MRPS24: variants seen among roughly 807,000 people sequenced by gnomAD.
MRPS24 encodes the protein mitochondrial ribosomal protein S24.
MRPS24 carries 15 observed loss-of-function variants against 21.8 expected under a neutral mutation model. The ratio of observed to expected loss-of-function variants is 0.69; its 90% CI spans 0.46 to 1.06. The LOEUF (loss-of-function observed/expected upper bound fraction) is 1.06, where lower values mean the gene tolerates loss of function less well. MRPS24 is among the 50% of genes least tolerant of loss of function. The probability of loss-of-function intolerance (pLI) is 0.00; values close to 1 mark genes in which losing one functional copy is unlikely to be tolerated. For missense variants in MRPS24, 224 were observed against 219.1 expected (o/e 1.02, Z -0.14); for synonymous variants, 93 against 93.7 (o/e 0.99, Z 0.04).
At chr7:43,868,281 G>A (rs1045945382) in intron 3 of MRPS24, 4 of 151,776 alleles carry the variant, frequency 2.6e-5, no homozygotes, top group Non-Finnish European at 4.4e-5. Context: ...CAAAAAGCAC[G>A]AAAATGCAAA....
In MRPS24 at chr7:43,868,967, G is replaced by T. The variant is rs760452055; in HGVS notation, c.216C>A (p.His72Gln). 5.6e-6 allele frequency: 9 copies of T among 1,613,882 alleles called. No individual in the cohort carries two copies. In the East Asian group the frequency reaches 2.0e-4, roughly 36 times the overall value. Residue 72 changes from histidine to glutamine, a missense_variant, in exon 3 of 4, where the codon CAC becomes CAA. His to Gln is a conservative substitution (Grantham distance 24). Transcript: ENST00000317534. ...GGAGGCCTGGGGTCCGCTCACCTGTGTGCAGCGACAGCCAGCCTTTACGGT... is the reference window on the plus strand; with the variant it reads ...GGAGGCCTGGGGTCCGCTCACCTGTTTGCAGCGACAGCCAGCCTTTACGGT... ...IAHRKGWLSL[H>Q]TGNLDGEDHA...
Position 43,869,122 on chromosome 7 carries a change from C to T in MRPS24, c.109-48G>A. The T allele has an allele frequency of 1.3e-6, 2 of 1,577,348 alleles. No homozygotes were observed. The highest frequency in any genetic ancestry group is 1.7e-6 in the Non-Finnish European group (2 of 1,165,324). ...CTCCACGAGATCCCCGATCCAGACC[C>T]CTACTTCGCGCCATGTCCCCCCAGT... is the stretch of plus-strand genomic sequence containing the variant. On this transcript the variant is annotated intron_variant, in intron 2 of 3. Transcript: ENST00000317534. This position sits in a 1 kb window ranked among gnomAD's most constrained non-coding sequence, Gnocchi z 4.8.
chr7:43,866,768 G>C lies in MRPS24; in HGVS notation c.435C>G (p.Tyr145Ter), dbSNP rs1405703604. The C allele has an allele frequency of 6.2e-7, 1 of 1,614,218 alleles. No individual in the cohort carries two copies. Among genetic ancestry groups the C allele is most frequent in the East Asian group, 2.2e-5 (1 of 44,880 alleles). The change falls in exon 4 of 4, where the codon TAC becomes TAG. Residue 145 changes from tyrosine to a stop codon, truncating the protein, a stop_gained. Coordinates refer to ENST00000317534, the MANE Select transcript of MRPS24 (RefSeq NM_032014.3). LOFTEE classifies it high-confidence loss of function. ...GGAGTCGCACAGGACATTTGTAAAAGTAGGACAGCAAAGTTTCACTGTAGC... is the reference window on the plus strand; with the variant it reads ...GGAGTCGCACAGGACATTTGTAAAACTAGGACAGCAAAGTTTCACTGTAGC... ...LVGYSETLLS[Y>*]FYKCPVRLHL...
chr7:43,866,627 C>A lies in MRPS24; in HGVS notation c.*72G>T. ...TCAGTCCTCTGAGGGGATGCATTTC[C>A]CCCACATACCATTCCTTTCCCACGT... On this transcript the variant is annotated 3_prime_UTR_variant, in exon 4 of 4. Coordinates refer to ENST00000317534, the MANE Select transcript of MRPS24 (RefSeq NM_032014.3). 1.3e-6 allele frequency: 2 copies of A among 1,535,824 alleles called. No homozygotes were observed. The highest frequency in any genetic ancestry group is 2.4e-5 in the South Asian group (2 of 83,064).
At chr7:43,868,065 T>G (rs2095837779) in intron 3 of MRPS24, 1 of 152,218 alleles carries the variant, frequency 6.6e-6, no homozygotes. Flanking sequence ...CCTAGTTTCC[T>G]TTGTGTTTCT....
Position 43,866,673 on chromosome 7 carries a change from A to G in MRPS24, c.*26T>C. The G allele has an allele frequency of 6.2e-7, 1 of 1,609,250 alleles. No homozygotes were observed. Among genetic ancestry groups the G allele is most frequent in the Non-Finnish European group, 8.5e-7 (1 of 1,176,054 alleles). The stretch of plus-strand genomic sequence containing the variant: ...CACGTTTCCATTCTCTGCAGGCTAC[A>G]GCTTGATGGAAAAAAGGGGATTGTT... On this transcript the variant is annotated 3_prime_UTR_variant, in exon 4 of 4. Transcript: ENST00000317534.
intron 3 of MRPS24, 91 bp downstream of exon 3, chr7:43,868,872 C>T (rs1406204757): frequency 2.7e-6 from 4 of 1,470,608 alleles, no homozygotes; most frequent in Non-Finnish European, 3.7e-6. Context: ...AGCATTATTT[C>T]CTGAGTTAAA....
At chr7:43,868,111 T>G (rs745733439) in intron 3 of MRPS24, 2 of 152,134 alleles carry the variant, frequency 1.3e-5, no homozygotes, top group Non-Finnish European at 2.9e-5. Context: ...TATGGTAGAT[T>G]CACTAACATT....
Position 43,869,467 on chromosome 7 carries a change from A to T in MRPS24, c.29T>A (p.Leu10Gln). The T allele has an allele frequency of 6.4e-7, 1 of 1,568,278 alleles. No homozygotes were observed. The highest frequency in any genetic ancestry group is 8.6e-7 in the Non-Finnish European group (1 of 1,157,774). Residue 10 changes from leucine to glutamine, a missense_variant, in exon 1 of 4, where the codon CTG becomes CAG. Coordinates refer to ENST00000317534, the MANE Select transcript of MRPS24 (RefSeq NM_032014.3). The surrounding 1 kb of genome is among the most constrained non-coding windows in gnomAD (Gnocchi z 4.8). MAASVCSGL[L>Q]GPRVLSWSRE... The stretch of plus-strand genomic sequence containing the variant: ...AGTCGCCCCACTCACCCGTGGCCCC[A>T]GCAACCCGCTGCACACGGAGGCCGC...
rs1461651784 is a variant in MRPS24 at position 43,869,191 on chromosome 7, C to T, written c.108+117G>A. 6.8e-6 allele frequency: 10 copies of T among 1,476,934 alleles called. No individual in the cohort carries two copies. The highest frequency in any genetic ancestry group is 5.4e-5 in the South Asian group (4 of 74,264). The allele number at this position is 1,476,934 out of a possible 1,614,324, so 91.5% of individuals were successfully genotyped here. A position where few individuals can be genotyped will look rare whatever the true frequency, so the allele number is the denominator to read the frequency against. The stretch of plus-strand genomic sequence containing the variant: ...GGCCCCAATCCCCTGATCCCTAAGC[C>T]CCGACCCTAGCCCCGCCTCGGACCC... On this transcript the variant is annotated intron_variant, in intron 2 of 3. Coordinates refer to ENST00000317534, the MANE Select transcript of MRPS24 (RefSeq NM_032014.3). The surrounding 1 kb of genome is among the most constrained non-coding windows in gnomAD (Gnocchi z 4.8).
At position 43,866,800 on chromosome 7, in the gene MRPS24, G is replaced by T; in HGVS notation, c.403C>A (p.Leu135Ile). 6.2e-7 allele frequency: 1 copy of T among 1,614,248 alleles called. No individual in the cohort carries two copies. The change falls in exon 4 of 4, where the codon CTC (leucine) becomes ATC (isoleucine). Residue 135 changes from leucine to isoleucine, a missense_variant. Coordinates refer to ENST00000317534, the MANE Select transcript of MRPS24 (RefSeq NM_032014.3). ...RQLSPHKYYF[L>I]VGYSETLLSY... The stretch of plus-strand genomic sequence containing the variant: ...AGCAAAGTTTCACTGTAGCCCACGA[G>T]GAAGTAGTACTTGTGTGGAGACAAC...
chr7:43,868,854 C>G lies in MRPS24; in HGVS notation c.220+109G>C. ...TCCCTTGAGTTGGTTTCATAGATTT[C>G]TGACCCTAGCATTATTTCCTGAGTT... is the stretch of plus-strand genomic sequence containing the variant. On this transcript the variant is annotated intron_variant, in intron 3 of 3. Transcript: ENST00000317534. 8.9e-6 allele frequency: 12 copies of G among 1,352,184 alleles called. No homozygotes were observed. In the South Asian group the frequency reaches 1.7e-4, roughly 19 times the overall value. 83.8% of individuals were successfully genotyped at this position (1,352,184 alleles called of 1,614,324 possible).
chr7:43,868,432 G>A (rs2095838133), intron 3 of MRPS24: 1 of 152,448 alleles, frequency 6.6e-6, no homozygotes, highest in Non-Finnish European at 1.5e-5. Context: ...GACCTTGAGA[G>A]TGCCCAGAGT....
intron 3 of MRPS24, chr7:43,867,557 T>A (rs1000342757): frequency 4.5e-5 from 5 of 112,320 alleles, no homozygotes; most frequent in African/African-American, 1.3e-4. Context: ...TGAGATGGAG[T>A]CTCACTCTGT....
At chr7:43,867,095 CCTCTT>C in intron 3 of MRPS24, 113 bp from the exon 4 acceptor site, 2 of 1,082,030 alleles carry the variant, frequency 1.8e-6, no homozygotes, top group Non-Finnish European at 2.7e-6. Context: ...TCACCCCCAG[CCTCTT>C]CTCTTTTCTT....
rs1047440069 is a variant in MRPS24 at position 43,866,632 on chromosome 7, C to G, written c.*67G>C. ...CCTCTGAGGGGATGCATTTCCCCCA[C>G]ATACCATTCCTTTCCCACGTTTCCA... On this transcript the variant is annotated 3_prime_UTR_variant, in exon 4 of 4. Coordinates refer to ENST00000317534, the MANE Select transcript of MRPS24 (RefSeq NM_032014.3). 25 of 1,557,126 alleles carry G rather than the reference C, an allele frequency of 1.6e-5. No homozygotes were observed. Among genetic ancestry groups the G allele is most frequent in the Non-Finnish European group, 2.1e-5 (24 of 1,140,452 alleles).
Position 43,866,956 on chromosome 7 carries a change from C to A in MRPS24, c.247G>T (p.Ala83Ser). ...AAAACATCCTCCACCGTTCGCTCTG[C>A]GGCATGGTCCTCTCCATCCAGGTTA... ...TGNLDGEDHA[A>S]ERTVEDVFLR... The change falls in exon 4 of 4, where the codon GCA (alanine) becomes TCA (serine). Residue 83 changes from alanine (A) to serine (S), a missense_variant. Physicochemically the swap from Ala to Ser is moderately conservative, Grantham distance 99. Transcript: ENST00000317534. 2 of 1,614,146 alleles carry A rather than the reference C, an allele frequency of 1.2e-6. No individual in the cohort carries two copies. Among genetic ancestry groups the A allele is most frequent in the Non-Finnish European group, 1.7e-6 (2 of 1,180,016 alleles).
chr7:43,866,618 A>G lies in MRPS24; in HGVS notation c.*81T>C. On this transcript the variant is annotated 3_prime_UTR_variant, in exon 4 of 4. Coordinates refer to ENST00000317534, the MANE Select transcript of MRPS24 (RefSeq NM_032014.3). ...GACTATGCCTCAGTCCTCTGAGGGG[A>G]TGCATTTCCCCCACATACCATTCCT... 6.7e-7 allele frequency: 1 copy of G among 1,483,386 alleles called. No homozygotes were observed. Among genetic ancestry groups the G allele is most frequent in the Non-Finnish European group, 9.3e-7 (1 of 1,079,112 alleles). 91.9% of individuals were successfully genotyped at this position (1,483,386 alleles called of 1,614,324 possible).
chr7:43,867,006 A>C (rs2095836955), intron 3 of MRPS24, 24 bp from the exon 4 acceptor site: 1 of 1,610,068 alleles, frequency 6.2e-7, no homozygotes, highest in African/African-American at 1.3e-5. Flanking sequence ...GGCATAATAG[A>C]AGAATCAGCC....
Sources: gnomAD v4.1 joint callset for allele counts on GRCh38, gnomAD v4.1.1 for gene constraint, Gnocchi (gnomAD v3.1) non-coding constraint, MANE v1.5 for transcripts, NCBI Gene and HGNC (gene_info 2026-07-23, HGNC 2026-07-21) for gene names.